Variants in DEFB119 observed in about 807,000 individuals in gnomAD.
The protein encoded by DEFB119 is defensin beta 119.
In DEFB119, 3 loss-of-function variants were observed where a neutral mutation model predicts 2.5. The observed-to-expected ratio is 1.19, with a 90% CI of 0.54 to 3.07. The LOEUF is 3.07. DEFB119 is among the 30% of genes most tolerant of loss of function. The pLI is 0.03. For synonymous variants in DEFB119, 29 were observed against 33.7 expected, an observed-to-expected ratio of 0.86 and a Z score of 0.48; for missense variants, 113 against 101.1, an observed-to-expected ratio of 1.12 and a Z score of -0.50.
At chr20:31,389,646 C>T (rs1347399403) in intron 1 of DEFB119, among the ~76,000 whole-genome samples, 1 of 152,064 alleles carries the variant, frequency 6.6e-6, no homozygotes, top group Non-Finnish European at 1.5e-5. Context: ...AATAACCTGA[C>T]CCTATTTCAC....
intron 1 of DEFB119, among the ~76,000 whole-genome samples, chr20:31,378,877 G>C (rs1845932392): frequency 6.6e-6 from 1 of 151,678 alleles, no homozygotes. Flanking sequence ...TTTGTATACT[G>C]TTGCTTCTAG....
intron 1 of DEFB119, among the ~76,000 whole-genome samples, chr20:31,379,193 C>A (rs988787556): frequency 5.3e-5 from 8 of 152,138 alleles, no homozygotes; most frequent in African/African-American, 1.9e-4. Context: ...CCACCTCAGC[C>A]TCCCAAAGTC....
At chr20:31,378,469 T>G in intron 1 of DEFB119, 1 of 1,594,620 alleles carries the variant, frequency 6.3e-7, no homozygotes, top group South Asian at 1.1e-5. Context: ...ATCAAAAACA[T>G]CCGCGTTCCA....
chr20:31,389,135 T>C, intron 1 of DEFB119: 1 of 1,614,212 alleles, frequency 6.2e-7, no homozygotes, highest in South Asian at 1.1e-5. Context: ...AAATAACGAC[T>C]AGGAACACAG....
chr20:31,384,408 T>C (rs1600512315), intron 1 of DEFB119, among the ~76,000 whole-genome samples: 1 of 152,214 alleles, frequency 6.6e-6, no homozygotes, highest in East Asian at 1.9e-4. Context: ...GCCCCGTAAA[T>C]ATATACACCT....
At chr20:31,388,581 G>A (rs1406680194) in intron 1 of DEFB119, among the ~76,000 whole-genome samples, 1 of 152,120 alleles carries the variant, frequency 6.6e-6, no homozygotes, top group African/African-American at 2.4e-5. Flanking sequence ...TCTAACCCCT[G>A]GGGCTGGGCC....
At chr20:31,377,555 A>G (rs1288010838) in intron 1 of DEFB119, 116 bp from the exon 2 acceptor site, 2 of 1,106,662 alleles carry the variant, frequency 1.8e-6, no homozygotes, top group Non-Finnish European at 2.6e-6. Context: ...CTAAAGGACA[A>G]TAGTGACTTC....
At chr20:31,387,963 T>C in intron 1 of DEFB119, 2 of 730,530 alleles carry the variant, frequency 2.7e-6, no homozygotes, top group Non-Finnish European at 1.7e-6. Flanking sequence ...TGGATGATAA[T>C]GAACTCCTTC....
intron 1 of DEFB119, among the ~76,000 whole-genome samples, chr20:31,378,935 T>C (rs558731882): frequency 7.6e-6 from 1 of 130,754 alleles, no homozygotes; most frequent in Non-Finnish European, 1.6e-5. Context: ...AGATGAAAAG[T>C]GGACACTTTT....
chr20:31,387,422 T>A (rs1029488858), intron 1 of DEFB119, among the ~76,000 whole-genome samples: 6 of 152,338 alleles, frequency 3.9e-5, no homozygotes, highest in Admixed American at 3.9e-4. Context: ...CATACTTAAA[T>A]GTTTTAATCA....
upstream of DEFB119, chr20:31,390,608 G>A: frequency 1.1e-6 from 1 of 886,122 alleles, no homozygotes; most frequent in South Asian, 1.6e-5. Flanking sequence ...TAGAACAGGA[G>A]GGGATTTATA....
chr20:31,390,511 G>A lies in DEFB119; in HGVS notation c.-28C>T. On this transcript the variant is annotated 5_prime_UTR_variant, in exon 1 of 2. Transcript: ENST00000376321. The stretch of plus-strand genomic sequence containing the variant: ...CTGGCAGACCTGAGAGGAGGAGGTG[G>A]CTGAGCTGCAGGGGAAGGAAATAGG... 6.2e-7 allele frequency: 1 copy of A among 1,610,582 alleles called. No individual in the cohort carries two copies. The highest frequency in any genetic ancestry group is 8.5e-7 in the Non-Finnish European group (1 of 1,178,512).
At chr20:31,385,818 C>T (rs985007222) in intron 1 of DEFB119, among the ~76,000 whole-genome samples, 3 of 151,694 alleles carry the variant, frequency 2.0e-5, no homozygotes, top group Non-Finnish European at 2.9e-5. Context: ...TACAGTGAGC[C>T]ATGATCGCAC....
At chr20:31,377,501 T>C in intron 1 of DEFB119, 62 bp from the exon 2 acceptor site, 7 of 1,521,294 alleles carry the variant, frequency 4.6e-6, no homozygotes, top group Non-Finnish European at 6.2e-6. Context: ...ATCTGATAAG[T>C]CGGGAAGCAT....
At chr20:31,378,740 T>G (rs1986395255) in intron 1 of DEFB119, among the ~76,000 whole-genome samples, 1 of 152,060 alleles carries the variant, frequency 6.6e-6, no homozygotes, top group Non-Finnish European at 1.5e-5. Flanking sequence ...TAACAACTTC[T>G]CCCCAAAAGG....
At chr20:31,390,345 A>T in intron 1 of DEFB119, 78 bp downstream of exon 1, 1 of 1,342,410 alleles carries the variant, frequency 7.4e-7, no homozygotes, top group Non-Finnish European at 1.1e-6. Context: ...GCTTCAGATG[A>T]TGCCCACAGT....
chr20:31,378,537 G>A (rs1237854674), intron 1 of DEFB119: 21 of 1,325,678 alleles, frequency 1.6e-5, no homozygotes, highest in Non-Finnish European at 1.6e-5. Context: ...TGAAAAAAAA[G>A]ACAATCAACA....
intron 1 of DEFB119, among the ~76,000 whole-genome samples, chr20:31,379,626 T>C (rs182161750): frequency 2.6e-5 from 4 of 151,716 alleles, no homozygotes; most frequent in African/African-American, 9.7e-5. Flanking sequence ...CCTGAGTAGC[T>C]GGGATTACAG....
chr20:31,382,937 T>G (rs1224818840), intron 1 of DEFB119, among the ~76,000 whole-genome samples: 1 of 152,224 alleles, frequency 6.6e-6, no homozygotes, highest in Non-Finnish European at 1.5e-5. Context: ...AGTGACAGTT[T>G]GTGACGCCAA....
Sources: allele counts gnomAD v4.1 joint callset (sites outside exome capture counted in the v4.1 genomes callset), GRCh38; gene constraint gnomAD v4.1.1; transcripts MANE v1.5; gene names NCBI Gene and HGNC (gene_info 2026-07-23, HGNC 2026-07-21).